The following FBXW7 variants were observed in gnomAD, a reference collection of about 807,000 sequenced individuals.
FBXW7 encodes the protein F-box/WD repeat-containing protein 7.
In FBXW7, 11 loss-of-function variants were observed where a neutral mutation model predicts 86.3. That is an observed-to-expected ratio of 0.13 (90% CI 0.08 to 0.21). FBXW7 has a LOEUF of 0.21. Among genes scored for constraint, FBXW7 ranks in the 10% least tolerant of loss-of-function variants. FBXW7 has a pLI of 1.00. For synonymous variants in FBXW7, 313 were observed against 297.9 expected (o/e 1.05, Z -0.52); for missense variants, 488 against 847.4 (o/e 0.58, Z 5.27).
chr4:152,481,224 G>A (rs561875308), intron 2 of FBXW7, among the ~76,000 whole-genome samples: 13 of 152,294 alleles, frequency 8.5e-5, no homozygotes, highest in African/African-American at 3.1e-4. Flanking sequence ...TCTGGCTTGT[G>A]CAGTACAAAC....
intron 4 of FBXW7, among the ~76,000 whole-genome samples, chr4:152,379,093 T>G (rs1734821214): frequency 6.6e-6 from 1 of 152,158 alleles, no homozygotes; most frequent in South Asian, 2.1e-4. Context: ...GAAAAAAATG[T>G]TGCTAGGTAA....
At chr4:152,352,888 G>C in intron 4 of FBXW7, 1 of 1,450,480 alleles carries the variant, frequency 6.9e-7, no homozygotes, top group Non-Finnish European at 9.0e-7. Flanking sequence ...ACACAGAATG[G>C]TGCAGTCCAG....
chr4:152,403,350 C>A (rs1737113429), intron 4 of FBXW7, among the ~76,000 whole-genome samples: 1 of 151,908 alleles, frequency 6.6e-6, no homozygotes, highest in South Asian at 2.1e-4. Flanking sequence ...TGGTGGCAAA[C>A]ACCTGTAATC....
chr4:152,390,601 T>G (rs1735913703), intron 4 of FBXW7, among the ~76,000 whole-genome samples: 1 of 152,094 alleles, frequency 6.6e-6, no homozygotes, highest in African/African-American at 2.4e-5. Flanking sequence ...TTTCCATAAT[T>G]CTCAAAATAA....
At chr4:152,486,654 T>C (rs1288929485) in intron 2 of FBXW7, among the ~76,000 whole-genome samples, 2 of 152,124 alleles carry the variant, frequency 1.3e-5, no homozygotes, top group Admixed American at 6.6e-5. Context: ...ACAATGTCTC[T>C]GGAGTACGTC....
intron 6 of FBXW7, chr4:152,346,672 G>C (rs2126632145): frequency 2.4e-6 from 1 of 415,546 alleles, no homozygotes; most frequent in Middle Eastern, 6.7e-4. Flanking sequence ...CTGGCAGTTA[G>C]TCCTTCTCCT....
chr4:152,395,554 G>T (rs182430638), intron 4 of FBXW7, among the ~76,000 whole-genome samples: 38 of 152,120 alleles, frequency 2.5e-4, no homozygotes, highest in South Asian at 1.0e-3. Flanking sequence ...TCTTTAAAAT[G>T]AGGTCAATTC....
chr4:152,480,359 C>T (rs1744768770), intron 2 of FBXW7, among the ~76,000 whole-genome samples: 1 of 152,074 alleles, frequency 6.6e-6, no homozygotes, highest in Non-Finnish European at 1.5e-5. Flanking sequence ...TGCATGTGTT[C>T]TGACTGCTCC....
intron 7 of FBXW7, 96 bp downstream of exon 7, chr4:152,337,706 G>T (rs1013828637): frequency 7.7e-7 from 1 of 1,291,804 alleles, no homozygotes; most frequent in Non-Finnish European, 1.1e-6. Context: ...TGACAATACC[G>T]AATACCATAA....
intron 2 of FBXW7, among the ~76,000 whole-genome samples, chr4:152,431,950 C>T (rs928734386): frequency 6.6e-6 from 1 of 152,170 alleles, no homozygotes; most frequent in African/African-American, 2.4e-5. Context: ...GTACTTGCTA[C>T]TCTTCAGAGT....
intron 2 of FBXW7, among the ~76,000 whole-genome samples, chr4:152,483,614 C>T (rs1223608294): frequency 6.6e-6 from 1 of 152,090 alleles, no homozygotes; most frequent in Non-Finnish European, 1.5e-5. Flanking sequence ...GGGAAGATTG[C>T]TTGAGCCTGG....
At chr4:152,352,913 G>T in intron 4 of FBXW7, 1 of 1,431,894 alleles carries the variant, frequency 7.0e-7, no homozygotes, top group Non-Finnish European at 9.1e-7. Context: ...CAGCAATGCA[G>T]ACTGCACATC....
At chr4:152,531,247 T>C (rs1750000399) in intron 2 of FBXW7, among the ~76,000 whole-genome samples, 1 of 152,212 alleles carries the variant, frequency 6.6e-6, no homozygotes, top group African/African-American at 2.4e-5. Context: ...AAAAATGTTG[T>C]GGAAAGTGGA....
rs751435265 is a variant in FBXW7 at position 152,324,275 on chromosome 4, T to A, written c.1764A>T (p.Glu588Asp). 1.2e-6 allele frequency: 2 copies of A among 1,613,182 alleles called. No individual in the cohort carries two copies. The highest frequency in any genetic ancestry group is 4.5e-5 in the East Asian group (2 of 44,806). ...CAGAGACAAGAATATTGTCTTTGAGTTCCATTCCACTTGTTAACGACTGGT... is the reference window on the plus strand; with the variant it reads ...CAGAGACAAGAATATTGTCTTTGAGATCCATTCCACTTGTTAACGACTGGT... ...TGHQSLTSGMELKDNILVSGN... is the reference protein window; with the variant it reads ...TGHQSLTSGMDLKDNILVSGN... Residue 588 changes from glutamate to aspartate, a missense_variant, in exon 13 of 14, where the codon GAA becomes GAT. By Grantham distance (45) the Glu-to-Asp change is conservative. Coordinates refer to ENST00000281708, the MANE Select transcript of FBXW7 (RefSeq NM_001349798.2).
At chr4:152,534,640 C>T (rs1165152866) in intron 2 of FBXW7, among the ~76,000 whole-genome samples, 3 of 152,154 alleles carry the variant, frequency 2.0e-5, no homozygotes, top group Admixed American at 6.5e-5. Flanking sequence ...GGCCTCTGTG[C>T]GCACATATGC....
intron 4 of FBXW7, among the ~76,000 whole-genome samples, chr4:152,385,314 G>T (rs922332680): frequency 1.3e-5 from 2 of 151,944 alleles, no homozygotes; most frequent in African/African-American, 4.8e-5. Flanking sequence ...ATGAATCAAA[G>T]ACCTAGTTAG....
intron 2 of FBXW7, among the ~76,000 whole-genome samples, chr4:152,421,296 T>C (rs1369862112): frequency 6.6e-6 from 1 of 152,248 alleles, no homozygotes; most frequent in African/African-American, 2.4e-5. Flanking sequence ...GGGAATGTTA[T>C]GGTTGATTTG....
At chr4:152,465,138 A>G (rs1237600303) in intron 2 of FBXW7, among the ~76,000 whole-genome samples, 1 of 152,180 alleles carries the variant, frequency 6.6e-6, no homozygotes, top group African/African-American at 2.4e-5. Context: ...TATATATGGA[A>G]GCGACTATAG....
At chr4:152,429,733 G>C (rs1739723418) in intron 2 of FBXW7, among the ~76,000 whole-genome samples, 1 of 152,104 alleles carries the variant, frequency 6.6e-6, no homozygotes, top group Non-Finnish European at 1.5e-5. Flanking sequence ...TTGTAAACCA[G>C]GAATAATGAT....
Sources: gnomAD v4.1 joint callset for allele counts (sites outside exome capture counted in the v4.1 genomes callset) on GRCh38, gnomAD v4.1.1 for gene constraint, MANE v1.5 for transcripts, NCBI Gene and HGNC (gene_info 2026-07-23, HGNC 2026-07-21) for gene names.